MTRES1: variants seen among roughly 807,000 people sequenced by gnomAD.
MTRES1 encodes the protein mitochondrial transcription rescue factor 1, also known as uncharacterized protein C6orf203.
In MTRES1, 11 loss-of-function variants were observed where a neutral mutation model predicts 17.4. That is an observed-to-expected ratio of 0.63 (90% CI 0.40 to 1.05). The LOEUF is 1.05. Ranked by LOEUF, MTRES1 falls within the 50% of genes least tolerant of loss-of-function variation. The pLI, the probability that MTRES1 is intolerant of heterozygous loss-of-function variation, is 0.00. For synonymous variants in MTRES1, 94 were observed against 99.6 expected (o/e 0.94, Z 0.34); for missense variants, 268 against 276.2 (o/e 0.97, Z 0.21).
At chr6:107,047,630 A>G (rs1554228571) in intron 3 of MTRES1, among the ~76,000 whole-genome samples, 1 of 152,054 alleles carries the variant, frequency 6.6e-6, no homozygotes, top group African/African-American at 2.4e-5. Flanking sequence ...CACACCTGTA[A>G]TCCCAGCACT....
intron 1 of MTRES1, among the ~76,000 whole-genome samples, chr6:107,032,676 C>G (rs1459228343): frequency 2.0e-5 from 3 of 152,052 alleles, no homozygotes; most frequent in Admixed American, 6.6e-5. Flanking sequence ...TGCACACCAG[C>G]CCGGGTGACA....
intron 3 of MTRES1, among the ~76,000 whole-genome samples, chr6:107,050,005 A>T (rs982476939): frequency 2.6e-5 from 4 of 152,078 alleles, no homozygotes; most frequent in Admixed American, 2.6e-4. Context: ...ACAGGTGTGA[A>T]CCACTGTGCT....
intron 3 of MTRES1, 126 bp downstream of exon 3, chr6:107,044,458 C>A: frequency 1.4e-6 from 1 of 714,724 alleles, no homozygotes; most frequent in Non-Finnish European, 2.5e-6. Flanking sequence ...TGTGGTCCTC[C>A]ACGTCAAGCT....
chr6:107,040,577 A>G (rs1774166739), intron 2 of MTRES1: 1 of 189,284 alleles, frequency 5.3e-6, no homozygotes, highest in Admixed American at 5.5e-5. Flanking sequence ...CTATAATGTG[A>G]GACGGTACCT....
intron 3 of MTRES1, among the ~76,000 whole-genome samples, chr6:107,047,430 G>A (rs968189122): frequency 2.6e-5 from 4 of 151,608 alleles, no homozygotes; most frequent in African/African-American, 9.7e-5. Context: ...GTGTGGTCCA[G>A]GCTGGTCTTA....
At chr6:107,029,246 G>C (rs1773746174) in intron 1 of MTRES1, among the ~76,000 whole-genome samples, 1 of 149,874 alleles carries the variant, frequency 6.7e-6, no homozygotes, top group South Asian at 2.1e-4. Flanking sequence ...GGAGTGCAGT[G>C]GCGCGATCTC....
In MTRES1 at chr6:107,039,831, G is replaced by C; in HGVS notation, c.71G>C (p.Gly24Ala). 1 of 1,614,072 alleles carries C rather than the reference G, an allele frequency of 6.2e-7. No individual in the cohort carries two copies. The highest frequency in any genetic ancestry group is 1.1e-5 in the South Asian group (1 of 91,072). ...RKPDAWIGLWGVLRGTPSSYK... is the reference protein window; with the variant it reads ...RKPDAWIGLWAVLRGTPSSYK... The stretch of plus-strand genomic sequence containing the variant: ...CCAGATGCCTGGATTGGACTCTGGG[G>C]TGTTCTCCGAGGGACACCTTCATCA... Residue 24 changes from glycine (G) to alanine (A), a missense_variant, in exon 2 of 4, where the codon GGT becomes GCT. Coordinates refer to ENST00000311381, the MANE Select transcript of MTRES1 (RefSeq NM_016487.5).
intron 1 of MTRES1, chr6:107,028,967 C>G (rs1773729926): frequency 3.5e-6 from 2 of 575,468 alleles, no homozygotes; most frequent in Non-Finnish European, 4.4e-6. Context: ...TTTCCTGATT[C>G]ATTCGAATGC....
At chr6:107,045,207 C>T (rs1438328236) in intron 3 of MTRES1, among the ~76,000 whole-genome samples, 5 of 146,364 alleles carry the variant, frequency 3.4e-5, no homozygotes, top group Non-Finnish European at 7.7e-5. Flanking sequence ...TCTGGCTGGG[C>T]GCAGTGACTC....
chr6:107,028,736 C>T, intron 1 of MTRES1: 1 of 198,460 alleles, frequency 5.0e-6, no homozygotes, highest in Non-Finnish European at 9.0e-6. Flanking sequence ...CGTTTCCTGG[C>T]GTCAAGCAGG....
At chr6:107,042,085 A>T (rs1195198243) in intron 2 of MTRES1, among the ~76,000 whole-genome samples, 4 of 151,736 alleles carry the variant, frequency 2.6e-5, no homozygotes, top group Admixed American at 2.0e-4. Context: ...TCACGCCTGT[A>T]GTCCCAGCAC....
At chr6:107,048,463 A>C (rs577791031) in intron 3 of MTRES1, among the ~76,000 whole-genome samples, 1 of 151,482 alleles carries the variant, frequency 6.6e-6, no homozygotes, top group African/African-American at 2.4e-5. Context: ...AAATGTCCAC[A>C]TAGGCTGAAG....
At chr6:107,043,629 G>A (rs1774293455) in intron 2 of MTRES1, among the ~76,000 whole-genome samples, 1 of 152,112 alleles carries the variant, frequency 6.6e-6, no homozygotes, top group Non-Finnish European at 1.5e-5. Context: ...TATTTATTAA[G>A]TGGAAGTGGA....
chr6:107,044,177 A>C (rs1291806121), intron 2 of MTRES1, 83 bp from the exon 3 acceptor site: 2 of 921,852 alleles, frequency 2.2e-6, no homozygotes, highest in Admixed American at 2.0e-5. Context: ...TGTTACGTGG[A>C]TATACTGTAT....
At chr6:107,041,203 C>CGACA (rs1218819289) in intron 2 of MTRES1, among the ~76,000 whole-genome samples, 1 of 133,358 alleles carries the variant, frequency 7.5e-6, no homozygotes, top group Non-Finnish European at 1.6e-5. Context: ...CCAGCCTGGG[C>CGACA]GACAGAGCAA....
chr6:107,043,063 G>T (rs1343952138), intron 2 of MTRES1, among the ~76,000 whole-genome samples: 3 of 152,166 alleles, frequency 2.0e-5, no homozygotes, highest in Non-Finnish European at 4.4e-5. Context: ...CGGGTGCGGT[G>T]GCTCACGCCT....
chr6:107,045,009 CA>C (rs1400285994), intron 3 of MTRES1, among the ~76,000 whole-genome samples: 5 of 151,710 alleles, frequency 3.3e-5, no homozygotes, highest in Admixed American at 6.6e-5. Context: ...GGCAACATGG[CA>C]AAACTGTCTC....
intron 3 of MTRES1, among the ~76,000 whole-genome samples, chr6:107,046,930 T>TTTTGTGTGTG (rs1367322880): frequency 0.03 from 980 of 32,984 alleles, 34 homozygotes; most frequent in East Asian, 0.084. Context: ...GGATTCATTC[T>TTTTGTGTGTG]TGTGTGTGTG....
At chr6:107,036,846 T>C (rs1426868034) in intron 1 of MTRES1, among the ~76,000 whole-genome samples, 6 of 74,836 alleles carry the variant, frequency 8.0e-5, no homozygotes, top group Admixed American at 1.5e-4. Context: ...TGAGACTCCG[T>C]CTCAAAAAAA....
Sources: allele counts gnomAD v4.1 joint callset (sites outside exome capture counted in the v4.1 genomes callset), GRCh38; gene constraint gnomAD v4.1.1; transcripts MANE v1.5; gene names NCBI Gene and HGNC (gene_info 2026-07-23, HGNC 2026-07-21).